The following GKAP1 variants were observed in gnomAD, a reference collection of about 807,000 sequenced individuals.
GKAP1 encodes G kinase anchoring protein 1, also known as G kinase-anchoring protein 1.
GKAP1 carries 31 observed loss-of-function variants against 56.7 expected under a neutral mutation model. That is an observed-to-expected ratio of 0.55 (90% CI 0.41 to 0.74). The LOEUF (loss-of-function observed/expected upper bound fraction) is 0.74, where lower values mean the gene tolerates loss of function less well. GKAP1 is among the 30% of genes least tolerant of loss of function. The pLI is 0.00. For missense variants in GKAP1, 364 were observed against 402.3 expected (o/e 0.90, Z 0.82); for synonymous variants, 151 against 138.6 (o/e 1.09, Z -0.63).
Position 83,817,512 on chromosome 9 carries a change from C to G in GKAP1, c.-176+5G>C, listed in dbSNP as rs1944639065. ...CGCGAGGCGGGCCCGCCTCCGCGTA[C>G]TCACCGGGCCTCCCGTGCCGCCGGC... On this transcript the variant is annotated splice_donor_5th_base_variant and intron_variant, in intron 1 of 12. Coordinates refer to ENST00000376371, the MANE Select transcript of GKAP1 (RefSeq NM_025211.4). 6.6e-6 allele frequency: 1 copy of G among 151,266 alleles called. No individual in the cohort carries two copies. Among genetic ancestry groups the G allele is most frequent in the South Asian group, 2.1e-4 (1 of 4,818 alleles). The allele number at this position is 151,266 out of a possible 1,614,324, so 9.4% of individuals were successfully genotyped here.
chr9:83,756,846 G>A (rs1943485990), intron 8 of GKAP1, among the ~76,000 whole-genome samples: 1 of 152,110 alleles, frequency 6.6e-6, no homozygotes, highest in African/African-American at 2.4e-5. Flanking sequence ...TTACTTATCA[G>A]CAGTTCCCAA....
intron 7 of GKAP1, among the ~76,000 whole-genome samples, chr9:83,777,093 A>C (rs942588428): frequency 3.3e-5 from 5 of 152,218 alleles, no homozygotes; most frequent in African/African-American, 1.2e-4. Flanking sequence ...ATACTGTAAA[A>C]AGCAGGCAGG....
In GKAP1 at chr9:83,739,759, A is replaced by G; in HGVS notation, c.1054-15T>C. The G allele has an allele frequency of 6.2e-7, 1 of 1,601,844 alleles. No individual in the cohort carries two copies. On this transcript the variant is annotated splice_polypyrimidine_tract_variant and intron_variant, in intron 12 of 12. Transcript: ENST00000376371. Reference sequence around the variant, plus strand: ...TTTCTGCCACCCTGTAAAAAAAAAAAAAAATAGGGAAAATTATTTACAACA... The same window carrying G: ...TTTCTGCCACCCTGTAAAAAAAAAAGAAAATAGGGAAAATTATTTACAACA...
chr9:83,815,670 C>A (rs1235719290), intron 2 of GKAP1, among the ~76,000 whole-genome samples: 1 of 152,030 alleles, frequency 6.6e-6, no homozygotes. Context: ...TGATAGCCAT[C>A]TTCTATTAAC....
At chr9:83,803,737 C>T in intron 3 of GKAP1, among the ~76,000 whole-genome samples, 1 of 150,014 alleles carries the variant, frequency 6.7e-6, no homozygotes. Flanking sequence ...TGAGGAGCCC[C>T]TCTGCCTGGC....
intron 8 of GKAP1, among the ~76,000 whole-genome samples, chr9:83,755,478 A>G (rs1039032573): frequency 4.5e-4 from 69 of 152,170 alleles, no homozygotes; most frequent in African/African-American, 1.6e-3. Flanking sequence ...TTTTATACTG[A>G]GTAAATAATC....
At chr9:83,775,345 T>C (rs751365565) in intron 7 of GKAP1, among the ~76,000 whole-genome samples, 30 of 152,136 alleles carry the variant, frequency 2.0e-4, no homozygotes, top group Non-Finnish European at 3.7e-4. Context: ...TCGCCCTAGA[T>C]ACAGCCATTT....
intron 8 of GKAP1, among the ~76,000 whole-genome samples, chr9:83,753,686 A>G (rs1943430655): frequency 6.6e-6 from 1 of 152,188 alleles, no homozygotes; most frequent in African/African-American, 2.4e-5. Flanking sequence ...AATTCAAAAA[A>G]TGACTACAAA....
chr9:83,756,470 C>CAAAAAAAAAAA (rs142896755), intron 8 of GKAP1, among the ~76,000 whole-genome samples: 1 of 75,442 alleles, frequency 1.3e-5, no homozygotes, highest in Non-Finnish European at 2.5e-5. Context: ...GACTCCATCT[C>CAAAAAAAAAAA]AAAAAAAAAA....
At chr9:83,756,428 G>A (rs1450519917) in intron 8 of GKAP1, among the ~76,000 whole-genome samples, 6 of 135,376 alleles carry the variant, frequency 4.4e-5, no homozygotes, top group Admixed American at 3.4e-4. Context: ...CTGAGATTGC[G>A]CTACTGCACT....
intron 4 of GKAP1, among the ~76,000 whole-genome samples, chr9:83,795,588 CT>C (rs58291258): frequency 0.024 from 2,599 of 108,924 alleles, 25 homozygotes; most frequent in Non-Finnish European, 0.033. Context: ...CTGAGAGTGT[CT>C]TTTTTTTTTT....
At chr9:83,807,422 T>C (rs575440980) in intron 2 of GKAP1, among the ~76,000 whole-genome samples, 1 of 152,326 alleles carries the variant, frequency 6.6e-6, no homozygotes, top group African/African-American at 2.4e-5. Flanking sequence ...CTAAGTGCTC[T>C]TCTAATTAAA....
In GKAP1 at chr9:83,812,778, G is replaced by C. The variant is rs373572800; in HGVS notation, c.-44+4218C>G. 5.0e-4 allele frequency among the ~76,000 whole-genome samples: 76 copies of C among 152,154 alleles called. 1 individual carries two copies. In the East Asian group the frequency reaches 0.015, roughly 29 times the overall value. On this transcript the variant is annotated intron_variant, in intron 2 of 12. Transcript: ENST00000376371. Reference sequence around the variant, plus strand: ...TTTTTTTGCCCTGTGTCAAAATTTAGAAAGGGCAACTACAGGTCAGAATTG... The same window carrying C: ...TTTTTTTGCCCTGTGTCAAAATTTACAAAGGGCAACTACAGGTCAGAATTG...
chr9:83,777,048 G>A (rs1943875528), intron 7 of GKAP1, among the ~76,000 whole-genome samples: 1 of 152,132 alleles, frequency 6.6e-6, no homozygotes, highest in Non-Finnish European at 1.5e-5. Context: ...TTTTACATAA[G>A]TAGTACACGG....
intron 7 of GKAP1, among the ~76,000 whole-genome samples, chr9:83,776,401 A>G (rs1943863044): frequency 6.6e-6 from 1 of 152,222 alleles, no homozygotes; most frequent in African/African-American, 2.4e-5. Context: ...AAGAAAAGAA[A>G]CAAAATAAAA....
chr9:83,802,657 T>C (rs1195017954), intron 3 of GKAP1, among the ~76,000 whole-genome samples: 1 of 151,784 alleles, frequency 6.6e-6, no homozygotes, highest in Non-Finnish European at 1.5e-5. Context: ...ACTGTGACCC[T>C]GTCTCTACAA....
At chr9:83,747,374 A>G (rs1943312379) in intron 10 of GKAP1, among the ~76,000 whole-genome samples, 1 of 152,158 alleles carries the variant, frequency 6.6e-6, no homozygotes. Context: ...GAGTAGCAGC[A>G]AAAGTATGAA....
chr9:83,739,710 T>G lies in GKAP1; in HGVS notation c.1088A>C (p.Asp363Ala). ...AGGCTAATGTAATCACCTACACTGG[T>G]CGGATTCAGAGTTTCTTTTCCCTTT... ...GRKGKRNSES[D>A]QCR Residue 363 changes from aspartate (D) to alanine (A), a missense_variant, in exon 13 of 13, where the codon GAC (aspartate) becomes GCC (alanine). Transcript: ENST00000376371. 3.7e-6 allele frequency: 6 copies of G among 1,609,810 alleles called. No individual in the cohort carries two copies. The highest frequency in any genetic ancestry group is 5.1e-6 in the Non-Finnish European group (6 of 1,178,524).
intron 3 of GKAP1, 36 bp downstream of exon 3, chr9:83,806,266 T>C: frequency 7.4e-7 from 1 of 1,346,882 alleles, no homozygotes. Flanking sequence ...GATTACCATC[T>C]ACTGGGAAAG....
Sources: gnomAD v4.1 joint callset for allele counts (sites outside exome capture counted in the v4.1 genomes callset) on GRCh38, gnomAD v4.1.1 for gene constraint, MANE v1.5 for transcripts, NCBI Gene and HGNC (gene_info 2026-07-23, HGNC 2026-07-21) for gene names.